DAB1: variants seen among roughly 807,000 people sequenced by gnomAD.
DAB1 encodes the protein DAB adaptor protein 1.
A neutral mutation model predicts 64.6 loss-of-function variants in DAB1; 15 were observed. That is an observed-to-expected ratio of 0.23 (90% confidence interval 0.16 to 0.36). DAB1 has a LOEUF of 0.36. Ranked by LOEUF, DAB1 falls within the 10% of genes least tolerant of loss-of-function variation. DAB1 has a pLI of 1.00. For missense variants in DAB1, 596 were observed against 706.7 expected (o/e 0.84, Z 1.78); for synonymous variants, 235 against 251.9 (o/e 0.93, Z 0.64).
chr1:57,666,336 T>C (rs564476502), intron 6 of DAB1, among the ~76,000 whole-genome samples: 32 of 152,154 alleles, frequency 2.1e-4, no homozygotes, highest in Non-Finnish European at 4.3e-4. Flanking sequence ...TACAATTCAT[T>C]AATGTTCTTC....
chr1:58,530,660 T>C (rs759531899), intron 1 of DAB1: 4 of 872,794 alleles, frequency 4.6e-6, no homozygotes, highest in Admixed American at 1.7e-5. Context: ...CGAGGACAAA[T>C]GGCCCAAATC....
At chr1:58,545,120 C>T (rs1205020350) in intron 1 of DAB1, among the ~76,000 whole-genome samples, 2 of 152,156 alleles carry the variant, frequency 1.3e-5, no homozygotes, top group Non-Finnish European at 2.9e-5. Flanking sequence ...CTTCCCCAAC[C>T]CTCCTTCACC....
At chr1:57,696,686 C>G (rs574975004) in intron 6 of DAB1, among the ~76,000 whole-genome samples, 1 of 152,276 alleles carries the variant, frequency 6.6e-6, no homozygotes, top group South Asian at 2.1e-4. Flanking sequence ...CTGCCTGCCA[C>G]TGTCCCCTAT....
At chr1:57,079,161 T>C (rs1217946935) in intron 4 of DAB1, among the ~76,000 whole-genome samples, 1 of 151,600 alleles carries the variant, frequency 6.6e-6, no homozygotes, top group Non-Finnish European at 1.5e-5. Flanking sequence ...GAGTTCTCTC[T>C]TGAGTGGTGG....
intron 4 of DAB1, among the ~76,000 whole-genome samples, chr1:58,300,598 AAGAAAGAAAGAAAGAGAG>A (rs1662113163): frequency 3.7e-4 from 14 of 37,650 alleles, no homozygotes; most frequent in East Asian, 2.0e-3. Context: ...GAAAGAAAGA[AAGAAAGAAAGAAAGAGAG>A]AGAGAGAGAG....
chr1:58,128,085 C>T (rs1367998690), intron 5 of DAB1, among the ~76,000 whole-genome samples: 1 of 151,602 alleles, frequency 6.6e-6, no homozygotes, highest in Non-Finnish European at 1.5e-5. Context: ...TTCTTCCTAC[C>T]CATGAGCATG....
intron 4 of DAB1, among the ~76,000 whole-genome samples, chr1:57,107,416 C>T (rs1401196210): frequency 6.7e-6 from 1 of 150,286 alleles, no homozygotes; most frequent in Non-Finnish European, 1.5e-5. Flanking sequence ...TCAAGCATCT[C>T]AACATAATAT....
At chr1:57,036,131 G>A (rs1390664191) in intron 9 of DAB1, among the ~76,000 whole-genome samples, 1 of 151,752 alleles carries the variant, frequency 6.6e-6, no homozygotes, top group Non-Finnish European at 1.5e-5. Context: ...TTAATGCTAG[G>A]AAATTATTAT....
intron 1 of DAB1, among the ~76,000 whole-genome samples, chr1:57,312,987 GC>G (rs1223891303): frequency 6.6e-6 from 1 of 152,088 alleles, no homozygotes; most frequent in Non-Finnish European, 1.5e-5. Context: ...CCCTGGGTGG[GC>G]CTGAACACTT....
chr1:58,519,324 A>G (rs886335571), intron 2 of DAB1, among the ~76,000 whole-genome samples: 4 of 152,214 alleles, frequency 2.6e-5, no homozygotes, highest in African/African-American at 7.2e-5. Context: ...TATAGTAATC[A>G]CATCAGGGTA....
intron 5 of DAB1, among the ~76,000 whole-genome samples, chr1:58,120,003 G>A (rs1479014330): frequency 6.6e-6 from 1 of 152,090 alleles, no homozygotes; most frequent in East Asian, 1.9e-4. Flanking sequence ...AAGTGGATAT[G>A]CCTTCCAAAT....
chr1:57,110,828 A>C (rs1385334341), intron 4 of DAB1, among the ~76,000 whole-genome samples: 1 of 152,128 alleles, frequency 6.6e-6, no homozygotes, highest in Non-Finnish European at 1.5e-5. Flanking sequence ...GCCCACTCGC[A>C]GATGACAAAA....
intron 9 of DAB1, among the ~76,000 whole-genome samples, chr1:57,039,103 T>C (rs1647378282): frequency 6.6e-6 from 1 of 152,204 alleles, no homozygotes; most frequent in Admixed American, 6.5e-5. Flanking sequence ...AGTGAGGGAA[T>C]GAAAAGTTAG....
intron 7 of DAB1, among the ~76,000 whole-genome samples, chr1:57,444,969 A>G (rs1195614809): frequency 1.3e-5 from 2 of 152,220 alleles, no homozygotes; most frequent in Non-Finnish European, 2.9e-5. Flanking sequence ...GAACAAATGA[A>G]TGAGTGTTCA....
chr1:57,944,508 T>C (rs533608795), intron 5 of DAB1, among the ~76,000 whole-genome samples: 2 of 152,158 alleles, frequency 1.3e-5, no homozygotes, highest in Non-Finnish European at 2.9e-5. Context: ...AATTAATAAC[T>C]GATGAATTAA....
chr1:57,175,287 GGT>G (rs1491319406), intron 2 of DAB1, among the ~76,000 whole-genome samples: 67 of 150,994 alleles, frequency 4.4e-4, no homozygotes, highest in African/African-American at 1.6e-3. Context: ...AGAAAGGCAG[GGT>G]TTTTTTTTAT....
chr1:58,303,945 C>T (rs1662232274), intron 4 of DAB1, among the ~76,000 whole-genome samples: 1 of 151,936 alleles, frequency 6.6e-6, no homozygotes, highest in African/African-American at 2.4e-5. Flanking sequence ...ACAATAGGGC[C>T]CAACTCAGCT....
chr1:57,949,775 T>C (rs1645244288), intron 5 of DAB1, among the ~76,000 whole-genome samples: 1 of 152,130 alleles, frequency 6.6e-6, no homozygotes, highest in African/African-American at 2.4e-5. Context: ...TCTCTCTTTA[T>C]AAAAACTTTA....
chr1:57,638,131 G>A (rs1646080491), intron 7 of DAB1, among the ~76,000 whole-genome samples: 1 of 151,968 alleles, frequency 6.6e-6, no homozygotes, highest in African/African-American at 2.4e-5. Flanking sequence ...AGGGATGATG[G>A]TTATTTTTTG....
Sources: gnomAD v4.1 joint callset for allele counts (sites outside exome capture counted in the v4.1 genomes callset) on GRCh38, gnomAD v4.1.1 for gene constraint, MANE v1.5 for transcripts, NCBI Gene and HGNC (gene_info 2026-07-23, HGNC 2026-07-21) for gene names.